Variants in FBL observed in about 807,000 individuals in gnomAD.
FBL encodes fibrillarin rRNA 2'-O-methyltransferase.
FBL carries 10 observed loss-of-function variants against 42.2 expected under a neutral mutation model. That is an observed-to-expected ratio of 0.24 (90% confidence interval 0.15 to 0.40). The LOEUF (loss-of-function observed/expected upper bound fraction) is 0.40, where lower values mean the gene tolerates loss of function less well. FBL is among the 10% of genes least tolerant of loss of function. The pLI is 1.00. For synonymous variants in FBL, 165 were observed against 165.4 expected (o/e 1.00, Z 0.02); for missense variants, 351 against 439.2 (o/e 0.80, Z 1.79).
At chr19:39,843,753 G>A (rs1042102648) in intron 1 of FBL, among the ~76,000 whole-genome samples, 14 of 152,318 alleles carry the variant, frequency 9.2e-5, no homozygotes, top group African/African-American at 3.4e-4. Context: ...GGGTGACAGA[G>A]AGAGATTCTG....
At chr19:39,836,129 C>A (rs1053348183) in intron 7 of FBL, among the ~76,000 whole-genome samples, 3 of 151,316 alleles carry the variant, frequency 2.0e-5, no homozygotes, top group Admixed American at 6.6e-5. Flanking sequence ...AATGGTGAAC[C>A]TTGTGAAGGG....
At chr19:39,839,294 G>C in intron 4 of FBL, 89 bp from the exon 5 acceptor site, 1 of 1,080,710 alleles carries the variant, frequency 9.3e-7, no homozygotes, top group Non-Finnish European at 1.3e-6. Context: ...AAGGAACTGG[G>C]CTGTCCTATC....
chr19:39,837,037 G>C (rs893628906), intron 6 of FBL, among the ~76,000 whole-genome samples: 1 of 152,234 alleles, frequency 6.6e-6, no homozygotes, highest in Non-Finnish European at 1.5e-5. Flanking sequence ...TTATAGGCAA[G>C]AGTGTCCGCA....
At position 39,846,301 on chromosome 19, in the gene FBL, G is replaced by A. The variant is rs763757645; in HGVS notation, c.-1C>T. 16 of 1,613,666 alleles carry A rather than the reference G, an allele frequency of 9.9e-6. No individual in the cohort carries two copies. Among genetic ancestry groups the A allele is most frequent in the Non-Finnish European group, 1.4e-5 (16 of 1,179,878 alleles). The stretch of plus-strand genomic sequence containing the variant: ...TCACCCCAGCCTGACCTGGCTTCAT[G>A]GCGAGCCCTGGTTTGTGCGGCTCCG... On this transcript the variant is annotated 5_prime_UTR_variant, in exon 1 of 9. Coordinates refer to ENST00000221801, the MANE Select transcript of FBL (RefSeq NM_001436.4).
Position 39,840,410 on chromosome 19 carries a change from T to A in FBL, c.283+4A>T, listed in dbSNP as rs879085400. ...TCAGCCGGCTCCCTGCCTTCCTCACTCACCCTCATGCCGATGCGGCTCCAC... is the reference window on the plus strand; with the variant it reads ...TCAGCCGGCTCCCTGCCTTCCTCACACACCCTCATGCCGATGCGGCTCCAC... On this transcript the variant is annotated splice_donor_region_variant and intron_variant, in intron 3 of 8. Coordinates refer to ENST00000221801, the MANE Select transcript of FBL (RefSeq NM_001436.4). The surrounding 1 kb of genome is among the most constrained non-coding windows in gnomAD (Gnocchi z 4.5). 1.2e-6 allele frequency: 2 copies of A among 1,613,760 alleles called. No individual in the cohort carries two copies. The highest frequency in any genetic ancestry group is 2.7e-5 in the African/African-American group (2 of 74,854).
chr19:39,841,858 T>C (rs1969169544), intron 1 of FBL, among the ~76,000 whole-genome samples: 1 of 152,168 alleles, frequency 6.6e-6, no homozygotes, highest in South Asian at 2.1e-4. Context: ...GTTTAAGAAA[T>C]AACAGACTCA....
At chr19:39,841,819 A>G (rs1180971185) in intron 1 of FBL, among the ~76,000 whole-genome samples, 3 of 152,276 alleles carry the variant, frequency 2.0e-5, no homozygotes. Flanking sequence ...CTTTACAAGT[A>G]GTTTGCGACT....
chr19:39,837,972 T>G, intron 5 of FBL, 129 bp from the exon 6 acceptor site: 1 of 691,930 alleles, frequency 1.4e-6, no homozygotes, highest in South Asian at 2.0e-5. Flanking sequence ...CTAATGACTA[T>G]TGCTATCATG....
chr19:39,845,809 G>A (rs1050687297), intron 1 of FBL, among the ~76,000 whole-genome samples: 3 of 152,206 alleles, frequency 2.0e-5, no homozygotes, highest in Non-Finnish European at 4.4e-5. Flanking sequence ...GGAAAAGCTG[G>A]GATGCGGGAT....
intron 4 of FBL, among the ~76,000 whole-genome samples, chr19:39,839,954 G>A (rs1449399735): frequency 5.3e-5 from 8 of 151,912 alleles, no homozygotes; most frequent in Admixed American, 5.2e-4. Context: ...GGTGGCTGGA[G>A]GACACTTGGT....
chr19:39,839,014 ACT>A lies in FBL; in HGVS notation c.549+19_549+20del, dbSNP rs1969105098. 1 of 1,596,120 alleles carries A rather than the reference ACT, an allele frequency of 6.3e-7. No homozygotes were observed. The highest frequency in any genetic ancestry group is 8.5e-7 in the Non-Finnish European group (1 of 1,170,612). On this transcript the variant is annotated intron_variant, in intron 5 of 8. Coordinates refer to ENST00000221801, the MANE Select transcript of FBL (RefSeq NM_001436.4). ...GGAGGCAGCCTTTACCTCCTGCCTG[ACT>A]CTCCATCTACTCACTCACCGGACCA... is the stretch of plus-strand genomic sequence containing the variant.
chr19:39,834,625 G>C, intron 8 of FBL, 43 bp downstream of exon 8: 1 of 1,614,084 alleles, frequency 6.2e-7, no homozygotes, highest in Non-Finnish European at 8.5e-7. Context: ...GGGTGCAAGG[G>C]ACAGAGATGT....
At position 39,838,120 on chromosome 19, in the gene FBL, G is replaced by A. The variant is rs1163869411; in HGVS notation, c.550-277C>T. ...CAGAGGCTTAAAACCAGGAAGCCAA[G>A]GCACAGAGATGATGTAACAATGGGC... On this transcript the variant is annotated intron_variant, in intron 5 of 8. Coordinates refer to ENST00000221801, the MANE Select transcript of FBL (RefSeq NM_001436.4). 11 of 393,438 alleles carry A rather than the reference G, an allele frequency of 2.8e-5. No individual in the cohort carries two copies. In the South Asian group the frequency reaches 3.3e-4, roughly 12 times the overall value. 24.4% of individuals were successfully genotyped at this position (393,438 alleles called of 1,614,324 possible). A position where few individuals can be genotyped will look rare whatever the true frequency, so the allele number is the denominator to read the frequency against.
In FBL at chr19:39,840,201, C is replaced by T. The variant is rs368067848; in HGVS notation, c.378+32G>A. The T allele has an allele frequency of 7.2e-6, 11 of 1,521,232 alleles. No homozygotes were observed. Among genetic ancestry groups the T allele is most frequent in the Non-Finnish European group, 8.2e-6 (9 of 1,096,468 alleles). 94.2% of individuals were successfully genotyped at this position (1,521,232 alleles called of 1,614,324 possible). On this transcript the variant is annotated intron_variant, in intron 4 of 8. Transcript: ENST00000221801. This position sits in a 1 kb window ranked among gnomAD's most constrained non-coding sequence, Gnocchi z 4.5. The stretch of plus-strand genomic sequence containing the variant: ...TACTGGCTACACCCTCAGCTGCGAC[C>T]CTGGTGGCTTGGACAGGGGCCCAGT...
At chr19:39,844,262 T>C (rs900267878) in intron 1 of FBL, among the ~76,000 whole-genome samples, 7 of 152,158 alleles carry the variant, frequency 4.6e-5, no homozygotes, top group Non-Finnish European at 7.3e-5. Context: ...CAGCTAGGCT[T>C]ATGAAAGTCT....
Position 39,840,747 on chromosome 19 carries a change from G to A in FBL, c.51C>T (p.Gly17=). The A allele has an allele frequency of 6.4e-7, 1 of 1,572,328 alleles. No individual in the cohort carries two copies. The highest frequency in any genetic ancestry group is 8.6e-7 in the Non-Finnish European group (1 of 1,158,762). ...PRGGGFGGRG[G]FGDRGGRGGR... ...CTCCACGACCACCACGGTCACCAAA[G>A]CCCCCTCGGCCGCCAAAGCCACCCC... The change falls in exon 2 of 9, where the codon GGC becomes GGT. Residue 17 remains glycine, a synonymous_variant. Coordinates refer to ENST00000221801, the MANE Select transcript of FBL (RefSeq NM_001436.4). This position sits in a 1 kb window ranked among gnomAD's most constrained non-coding sequence, Gnocchi z 4.5.
intron 1 of FBL, 72 bp downstream of exon 1, chr19:39,846,219 C>G: frequency 1.3e-6 from 2 of 1,588,490 alleles, no homozygotes; most frequent in Non-Finnish European, 1.7e-6. Flanking sequence ...CCCCACCCCT[C>G]CGATTCTGGC....
At chr19:39,845,990 T>C (rs941883493) in intron 1 of FBL, among the ~76,000 whole-genome samples, 2 of 152,160 alleles carry the variant, frequency 1.3e-5, no homozygotes, top group African/African-American at 2.4e-5. Flanking sequence ...CCCAAGACCC[T>C]TGAGTGCCGC....
At chr19:39,839,447 C>T (rs1969114228) in intron 4 of FBL, among the ~76,000 whole-genome samples, 1 of 152,228 alleles carries the variant, frequency 6.6e-6, no homozygotes, top group Non-Finnish European at 1.5e-5. Flanking sequence ...GTTCAACAAA[C>T]ATGCACTGTG....
Sources: gnomAD v4.1 joint callset for allele counts (sites outside exome capture counted in the v4.1 genomes callset) on GRCh38, gnomAD v4.1.1 for gene constraint, Gnocchi (gnomAD v3.1) non-coding constraint, MANE v1.5 for transcripts, NCBI Gene and HGNC (gene_info 2026-07-23, HGNC 2026-07-21) for gene names.